The following RPH3AL variants were observed in gnomAD, a reference collection of about 807,000 sequenced individuals.
RPH3AL encodes rabphilin 3A like (without C2 domains).
A neutral mutation model predicts 43.1 loss-of-function variants in RPH3AL; 38 were observed. The observed-to-expected ratio is 0.88, with a 90% CI of 0.68 to 1.15. The LOEUF is 1.15. Among genes scored for constraint, RPH3AL ranks in the 50% most tolerant of loss-of-function variants. The pLI, the probability that RPH3AL is intolerant of heterozygous loss-of-function variation, is 0.00. For missense variants in RPH3AL, 462 were observed against 423.2 expected (o/e 1.09, Z -0.81); for synonymous variants, 189 against 176.3 (o/e 1.07, Z -0.57).
At chr17:271,505 T>C (rs1342536374) in intron 6 of RPH3AL, among the ~76,000 whole-genome samples, 1 of 152,222 alleles carries the variant, frequency 6.6e-6, no homozygotes, top group Non-Finnish European at 1.5e-5. Context: ...CTTTGTAAGT[T>C]GGATTCCTAG....
In RPH3AL at chr17:264,090, G is replaced by A. The variant is rs147938080; in HGVS notation, c.439-16805C>T. On this transcript the variant is annotated intron_variant, in intron 6 of 9. Transcript: ENST00000331302. This position sits in a 1 kb window ranked among gnomAD's most constrained non-coding sequence, Gnocchi z 4.8. ...CGATTTTGGCCGCGTGCGACAAGCCGGACTCTCCAAGAGCCTTGGACCCAC... is the reference window on the plus strand; with the variant it reads ...CGATTTTGGCCGCGTGCGACAAGCCAGACTCTCCAAGAGCCTTGGACCCAC... Among the ~76,000 whole-genome samples the A allele has an allele frequency of 1.2e-4, 19 of 152,288 alleles. No individual in the cohort carries two copies. The highest frequency in any genetic ancestry group is 5.8e-4 in the East Asian group (3 of 5,184).
chr17:264,982 A>T lies in RPH3AL; in HGVS notation c.438+16786T>A, dbSNP rs1453606964. 6.6e-6 allele frequency among the ~76,000 whole-genome samples: 1 copy of T among 152,220 alleles called. No individual in the cohort carries two copies. The highest frequency in any genetic ancestry group is 1.5e-5 in the Non-Finnish European group (1 of 68,052). On this transcript the variant is annotated intron_variant, in intron 6 of 9. Transcript: ENST00000331302. This position sits in a 1 kb window ranked among gnomAD's most constrained non-coding sequence, Gnocchi z 4.8. ...GTAGATATAAAAGAATCAGTTAACA[A>T]AACAAATCTGACCCAAAATTCCAGA...
At chr17:260,260 T>C (rs1004796797) in intron 6 of RPH3AL, among the ~76,000 whole-genome samples, 2 of 152,222 alleles carry the variant, frequency 1.3e-5, no homozygotes, top group Non-Finnish European at 2.9e-5. Context: ...TGCCCCTTCA[T>C]GCAGAATCAG....
chr17:240,568 G>GC (rs1291914142), intron 7 of RPH3AL, among the ~76,000 whole-genome samples: 2 of 152,134 alleles, frequency 1.3e-5, no homozygotes. Context: ...TTCGTCTCCG[G>GC]CTTCTTCCAC....
At chr17:223,403 C>G (rs1289497693) in intron 7 of RPH3AL, among the ~76,000 whole-genome samples, 4 of 152,128 alleles carry the variant, frequency 2.6e-5, no homozygotes, top group African/African-American at 9.7e-5. Context: ...CGCCTGTCAG[C>G]GTTTTCCTTG....
At chr17:321,190 G>A (rs1034373425) in intron 4 of RPH3AL, 82 bp downstream of exon 4, 13 of 1,500,532 alleles carry the variant, frequency 8.7e-6, no homozygotes, top group African/African-American at 2.8e-5. Context: ...ACCAGGACCC[G>A]GAGTGCCGGC....
intron 6 of RPH3AL, among the ~76,000 whole-genome samples, chr17:262,604 C>A (rs573995119): frequency 7.9e-5 from 12 of 152,156 alleles, no homozygotes; most frequent in Admixed American, 7.9e-4. Context: ...GTGGGAGGAT[C>A]GCTTGAGGCC....
chr17:272,657 A>G (rs982227302), intron 6 of RPH3AL, among the ~76,000 whole-genome samples: 2 of 149,642 alleles, frequency 1.3e-5, no homozygotes, highest in African/African-American at 4.9e-5. Flanking sequence ...CTAATGCTAA[A>G]ATGACGAGTT....
intron 6 of RPH3AL, among the ~76,000 whole-genome samples, chr17:263,194 C>T (rs1038047217): frequency 2.6e-5 from 4 of 152,150 alleles, no homozygotes; most frequent in Non-Finnish European, 4.4e-5. Flanking sequence ...GAAGAGGCGG[C>T]CTCCATATCC....
intron 7 of RPH3AL, chr17:234,645 G>GC (rs1567570237): frequency 6.5e-6 from 1 of 153,894 alleles, no homozygotes; most frequent in African/African-American, 2.4e-5. Flanking sequence ...ACTCCATTCC[G>GC]CCTCCTTCTG....
chr17:213,764 G>C lies in RPH3AL; in HGVS notation c.*88C>G. The C allele has an allele frequency of 9.3e-7, 1 of 1,072,110 alleles. No homozygotes were observed. Among genetic ancestry groups the C allele is most frequent in the Non-Finnish European group, 1.4e-6 (1 of 707,890 alleles). 66.4% of individuals were successfully genotyped at this position (1,072,110 alleles called of 1,614,324 possible). On this transcript the variant is annotated 3_prime_UTR_variant, in exon 10 of 10. Coordinates refer to ENST00000331302, the MANE Select transcript of RPH3AL (RefSeq NM_006987.4). ...TGAGTCATGGCCAACAGGGTGTCTGGTGAGGGCACAAGGACCGGTCAGGGA... is the reference window on the plus strand; with the variant it reads ...TGAGTCATGGCCAACAGGGTGTCTGCTGAGGGCACAAGGACCGGTCAGGGA...
intron 7 of RPH3AL, 127 bp from the exon 8 acceptor site, chr17:219,863 CG>C: frequency 1.5e-6 from 1 of 671,286 alleles, no homozygotes; most frequent in Non-Finnish European, 2.7e-6. Flanking sequence ...CTGGCCCTTT[CG>C]CTTTGGGCAG....
In RPH3AL at chr17:258,990, T is replaced by C. The variant is rs117013117; in HGVS notation, c.439-11705A>G. 2.4e-4 allele frequency among the ~76,000 whole-genome samples: 37 copies of C among 152,292 alleles called. No homozygotes were observed. The East Asian group carries it at 7.2e-3, about 29-fold the overall frequency. ...TTCATACGATTCACCCCAATATTTA[T>C]GCCCAGAAGGGGCAATAATCCCACA... On this transcript the variant is annotated intron_variant, in intron 6 of 9. Transcript: ENST00000331302.
chr17:307,283 G>A (rs62053684), intron 5 of RPH3AL, among the ~76,000 whole-genome samples: 24 of 4,312 alleles, frequency 5.6e-3, no homozygotes, highest in South Asian at 0.034. Context: ...GGTCCATCCC[G>A]CGGCAGGTCC....
At chr17:222,897 A>C (rs956737142) in intron 7 of RPH3AL, among the ~76,000 whole-genome samples, 1 of 152,160 alleles carries the variant, frequency 6.6e-6, no homozygotes, top group East Asian at 1.9e-4. Flanking sequence ...GCCTCCATCA[A>C]TACTTTCCAG....
At chr17:352,569 C>T (rs552351962) in intron 1 of RPH3AL, 143 bp downstream of exon 1, 3 of 152,376 alleles carry the variant, frequency 2.0e-5, no homozygotes, top group African/African-American at 4.8e-5. Flanking sequence ...ATTAACCAGA[C>T]GCTCTCCCAG....
At position 351,925 on chromosome 17, in the gene RPH3AL, C is replaced by T. The variant is rs530545830; in HGVS notation, c.-213+787G>A. ...ACAGGTTGTAAATGGAACAGCACCTCGAGGGACAAGGGTCCCGAAACGGGC... is the reference window on the plus strand; with the variant it reads ...ACAGGTTGTAAATGGAACAGCACCTTGAGGGACAAGGGTCCCGAAACGGGC... On this transcript the variant is annotated intron_variant, in intron 1 of 9. Transcript: ENST00000331302. 3.7e-3 allele frequency among the ~76,000 whole-genome samples: 566 copies of T among 152,284 alleles called. 2 individuals are homozygous for T. Among genetic ancestry groups the T allele is most frequent in the Middle Eastern group, 0.02 (6 of 294 alleles).
At chr17:261,758 A>G (rs1038698293) in intron 6 of RPH3AL, 13 of 152,166 alleles carry the variant, frequency 8.5e-5, no homozygotes, top group African/African-American at 3.1e-4. Flanking sequence ...TCTTTTTAAG[A>G]ACTTAGGACG....
intron 8 of RPH3AL, among the ~76,000 whole-genome samples, chr17:217,028 G>C (rs113064155): frequency 2.5e-5 from 3 of 121,514 alleles, no homozygotes; most frequent in Non-Finnish European, 3.4e-5. Context: ...AATTGGCCTC[G>C]CTGAAATCAG....
Sources: allele counts gnomAD v4.1 joint callset (sites outside exome capture counted in the v4.1 genomes callset), GRCh38; gene constraint gnomAD v4.1.1; non-coding constraint Gnocchi (gnomAD v3.1); transcripts MANE v1.5; gene names NCBI Gene and HGNC (gene_info 2026-07-23, HGNC 2026-07-21).